RFX3: variants seen among roughly 807,000 people sequenced by gnomAD.
The protein encoded by RFX3 is transcription factor RFX3.
Under a neutral mutation model 98.6 loss-of-function variants are expected in RFX3, and 14 were observed. The ratio of observed to expected loss-of-function variants is 0.14; its 90% CI spans 0.09 to 0.22. The LOEUF (loss-of-function observed/expected upper bound fraction) is 0.22. RFX3 is among the 10% of genes least tolerant of loss of function. The pLI is 1.00. For synonymous variants in RFX3, 383 were observed against 328.4 expected, an observed-to-expected ratio of 1.17 and a Z score of -1.80; for missense variants, 639 against 926.9, an observed-to-expected ratio of 0.69 and a Z score of 4.03.
chr9:3,334,762 C>T (rs2986679), intron 3 of RFX3, among the ~76,000 whole-genome samples: 26,883 of 151,974 alleles, frequency 0.18, 2,447 homozygotes, highest in Middle Eastern at 0.22. Context: ...GACAAAAATA[C>T]ACTTGCAGTT....
chr9:3,425,891 A>G (rs1843970137), intron 1 of RFX3, among the ~76,000 whole-genome samples: 1 of 152,188 alleles, frequency 6.6e-6, no homozygotes, highest in South Asian at 2.1e-4. Flanking sequence ...CATCAAGTTG[A>G]ATGATATTTC....
At chr9:3,490,861 C>T (rs1172261475) in intron 1 of RFX3, among the ~76,000 whole-genome samples, 1 of 151,918 alleles carries the variant, frequency 6.6e-6, no homozygotes, top group Non-Finnish European at 1.5e-5. Flanking sequence ...GGAGAATACA[C>T]AAGTTATTTT....
At chr9:3,331,478 G>T (rs373944096) in intron 3 of RFX3, among the ~76,000 whole-genome samples, 27 of 152,172 alleles carry the variant, frequency 1.8e-4, no homozygotes, top group African/African-American at 6.5e-4. Flanking sequence ...ATACAAAATT[G>T]AAATTCCCAG....
intron 6 of RFX3, among the ~76,000 whole-genome samples, chr9:3,292,661 G>T (rs1827536261): frequency 1.3e-5 from 2 of 152,140 alleles, no homozygotes; most frequent in South Asian, 4.1e-4. Context: ...CAAGAGTCAA[G>T]TGATACATAG....
chr9:3,460,454 C>A (rs974796128), intron 1 of RFX3, among the ~76,000 whole-genome samples: 6 of 151,896 alleles, frequency 4.0e-5, no homozygotes, highest in African/African-American at 1.4e-4. Context: ...AGTCCTTGTT[C>A]CATAAAACAA....
intron 1 of RFX3, among the ~76,000 whole-genome samples, chr9:3,486,810 T>C (rs1431169965): frequency 6.6e-6 from 1 of 152,216 alleles, no homozygotes; most frequent in Non-Finnish European, 1.5e-5. Context: ...CGTTATCATG[T>C]TTTTGATGGG....
intron 15 of RFX3, among the ~76,000 whole-genome samples, chr9:3,240,564 A>G (rs1819775515): frequency 6.6e-6 from 1 of 152,208 alleles, no homozygotes; most frequent in African/African-American, 2.4e-5. Flanking sequence ...CACAACAAGC[A>G]TCAATCAGGT....
intron 3 of RFX3, among the ~76,000 whole-genome samples, chr9:3,335,963 T>C (rs1833129867): frequency 6.6e-6 from 1 of 152,218 alleles, no homozygotes; most frequent in South Asian, 2.1e-4. Context: ...CCAGTTTTTT[T>C]CTGTTTTCTT....
intron 2 of RFX3, among the ~76,000 whole-genome samples, chr9:3,391,687 T>C (rs1840327644): frequency 6.6e-6 from 1 of 152,142 alleles, no homozygotes; most frequent in South Asian, 2.1e-4. Context: ...AGGGTGTGTA[T>C]GTATAATCTT....
chr9:3,232,487 C>T (rs1034328652), intron 15 of RFX3, among the ~76,000 whole-genome samples: 41 of 152,164 alleles, frequency 2.7e-4, no homozygotes, highest in African/African-American at 5.1e-4. Flanking sequence ...GTCTTCCCAA[C>T]CAAAATGTTA....
chr9:3,487,435 T>C (rs1345377955), intron 1 of RFX3, among the ~76,000 whole-genome samples: 1 of 152,232 alleles, frequency 6.6e-6, no homozygotes, highest in African/African-American at 2.4e-5. Context: ...AAAAGGTTAG[T>C]AACTTGTATA....
chr9:3,254,964 T>G lies in RFX3; in HGVS notation c.1814+2027A>C, dbSNP rs375654874. Reference sequence around the variant, plus strand: ...TCTTGAATTATGTGGGCTAAAGGTGTTAAATATATGAGAGGCAGGACTGTG... The same window carrying G: ...TCTTGAATTATGTGGGCTAAAGGTGGTAAATATATGAGAGGCAGGACTGTG... On this transcript the variant is annotated intron_variant, in intron 14 of 16. Coordinates refer to ENST00000617270, the MANE Select transcript of RFX3 (RefSeq NM_001282116.2). Among the ~76,000 whole-genome samples the G allele has an allele frequency of 2.0e-5, 3 of 152,122 alleles. No individual in the cohort carries two copies. In the East Asian group the frequency reaches 5.8e-4, roughly 29 times the overall value.
chr9:3,299,092 T>C (rs1828338582), intron 5 of RFX3, among the ~76,000 whole-genome samples: 1 of 151,772 alleles, frequency 6.6e-6, no homozygotes, highest in Non-Finnish European at 1.5e-5. Context: ...TTCTATATTA[T>C]GCCCCATATA....
At chr9:3,408,019 G>T (rs144604979) in intron 1 of RFX3, among the ~76,000 whole-genome samples, 295 of 152,108 alleles carry the variant, frequency 1.9e-3, no homozygotes, top group African/African-American at 6.7e-3. Context: ...ACACCATAAC[G>T]CCCACTTCTA....
intron 1 of RFX3, among the ~76,000 whole-genome samples, chr9:3,453,087 G>A (rs1369023959): frequency 6.6e-6 from 1 of 152,112 alleles, no homozygotes; most frequent in Non-Finnish European, 1.5e-5. Context: ...CCGTAAGACT[G>A]TTGGAAAGAT....
At chr9:3,372,416 G>C (rs1185083232) in intron 2 of RFX3, among the ~76,000 whole-genome samples, 2 of 152,000 alleles carry the variant, frequency 1.3e-5, no homozygotes, top group African/African-American at 4.8e-5. Flanking sequence ...TATTTCCAGG[G>C]ATCACCTCCC....
intron 2 of RFX3, among the ~76,000 whole-genome samples, chr9:3,379,202 G>A (rs941293107): frequency 6.6e-6 from 1 of 152,130 alleles, no homozygotes; most frequent in Admixed American, 6.5e-5. Context: ...CTAATTACCT[G>A]AATCAATTAA....
chr9:3,266,843 G>C (rs1208379707), intron 11 of RFX3, among the ~76,000 whole-genome samples: 3 of 151,976 alleles, frequency 2.0e-5, no homozygotes, highest in African/African-American at 7.2e-5. Context: ...AATTAAAATT[G>C]TCTGAATTGA....
At chr9:3,381,196 A>C (rs1839154086) in intron 2 of RFX3, among the ~76,000 whole-genome samples, 1 of 151,988 alleles carries the variant, frequency 6.6e-6, no homozygotes, top group African/African-American at 2.4e-5. Flanking sequence ...TCAAGGAAAA[A>C]CCTTGAAAAT....
Sources: gnomAD v4.1 joint callset for allele counts (sites outside exome capture counted in the v4.1 genomes callset) on GRCh38, gnomAD v4.1.1 for gene constraint, MANE v1.5 for transcripts, NCBI Gene and HGNC (gene_info 2026-07-23, HGNC 2026-07-21) for gene names.